CLSTN3: variants seen among roughly 807,000 people sequenced by gnomAD.
The protein encoded by CLSTN3 is calsyntenin 3, also known as calsyntenin-3.
Under a neutral mutation model 95.9 loss-of-function variants are expected in CLSTN3, and 36 were observed. The observed-to-expected ratio is 0.38, with a 90% CI of 0.29 to 0.50. CLSTN3 has a LOEUF of 0.50. CLSTN3 is among the 20% of genes least tolerant of loss of function. The probability of loss-of-function intolerance (pLI) is 0.95; values close to 1 mark genes in which losing one functional copy is unlikely to be tolerated. For missense variants in CLSTN3, 1,084 were observed against 1,268.8 expected, an observed-to-expected ratio of 0.85 and a Z score of 2.21; for synonymous variants, 481 against 504.0, an observed-to-expected ratio of 0.95 and a Z score of 0.61.
intron 16 of CLSTN3, chr12:7,156,976 G>T (rs1446650617): frequency 2.7e-6 from 1 of 368,750 alleles, no homozygotes; most frequent in Non-Finnish European, 5.4e-6. Context: ...CTTGTCCCCA[G>T]CCTCAGGTGC....
In CLSTN3 at chr12:7,135,439, G is replaced by A. The variant is rs1939390452; in HGVS notation, c.496G>A (p.Val166Met). Reference protein sequence around the residue: ...EGKLYDRILRVEAIDGDCSPQ... With the variant: ...EGKLYDRILRMEAIDGDCSPQ... ...GAAGCTGTACGATCGCATCCTGCGG[G>A]TGGAAGCCATTGACGGTGACTGCTC... The change falls in exon 4 of 18, where the codon GTG becomes ATG. Residue 166 changes from valine to methionine, a missense_variant. Physicochemically the swap from Val to Met is conservative, Grantham distance 21 (BLOSUM62 1). Coordinates refer to ENST00000266546, the MANE Select transcript of CLSTN3 (RefSeq NM_014718.4). 2 of 1,614,032 alleles carry A rather than the reference G, an allele frequency of 1.2e-6. No homozygotes were observed. Among genetic ancestry groups the A allele is most frequent in the African/African-American group, 1.3e-5 (1 of 74,898 alleles).
At position 7,142,437 on chromosome 12, in the gene CLSTN3, A is replaced by G. The variant is rs11054928; in HGVS notation, c.1540+298A>G. ...CAGGAGTCAGACACGCAGAAGGGGA[A>G]GGTCTGGGCATCTGTGAAGCTCGCT... On this transcript the variant is annotated intron_variant, in intron 10 of 17. Transcript: ENST00000266546. Among the ~76,000 whole-genome samples, 8 of 152,168 alleles carry G rather than the reference A, an allele frequency of 5.3e-5. No homozygotes were observed. In the East Asian group the frequency reaches 1.5e-3, roughly 29 times the overall value.
At position 7,133,962 on chromosome 12, in the gene CLSTN3, G is replaced by C. The variant is rs1939357079; in HGVS notation, c.383+194G>C. The C allele has an allele frequency of 4.0e-6, 2 of 505,914 alleles. No individual in the cohort carries two copies. Among genetic ancestry groups the C allele is most frequent in the Admixed American group, 3.7e-5 (1 of 26,812 alleles). 31.3% of individuals were successfully genotyped at this position (505,914 alleles called of 1,614,324 possible). A position where few individuals can be genotyped will look rare whatever the true frequency, so the allele number is the denominator to read the frequency against. On this transcript the variant is annotated intron_variant, in intron 3 of 17. Transcript: ENST00000266546. The surrounding 1 kb of genome is among the most constrained non-coding windows in gnomAD (Gnocchi z 4.7). ...GGCAAGGTGACAGAAACGTATAGTA[G>C]AGTTCAGTGGATCTAATCTTGGCTT...
rs533975468 is a variant in CLSTN3, at chr12:7,136,174, TC to T, written c.743-28del. On this transcript the variant is annotated intron_variant, in intron 5 of 17. Coordinates refer to ENST00000266546, the MANE Select transcript of CLSTN3 (RefSeq NM_014718.4). ...GGGGAGGCTGCTTTACCCTTCTCTC[TC>T]CCCATCACCCTCTCTGTCTCACCCA... The T allele has an allele frequency of 1.5e-3, 2,454 of 1,602,698 alleles. 5 individuals carry two copies. Among genetic ancestry groups the T allele is most frequent in the Non-Finnish European group, 1.9e-3 (2,272 of 1,173,300 alleles).
chr12:7,149,169 C>G lies in CLSTN3; in HGVS notation c.2045C>G (p.Ala682Gly). Reference sequence around the variant, plus strand: ...TGCTCCATTTCTCACCAGGTGGAGGCCAAAAAGGATGAGAGTTGGCAGGGC... The same window carrying G: ...TGCTCCATTTCTCACCAGGTGGAGGGCAAAAAGGATGAGAGTTGGCAGGGC... ...ITCSISHQVE[A>G]KKDESWQGTV... Residue 682 changes from alanine (A) to glycine (G), a missense_variant, in exon 13 of 18, where the codon GCC (alanine) becomes GGC (glycine). Coordinates refer to ENST00000266546, the MANE Select transcript of CLSTN3 (RefSeq NM_014718.4). The surrounding 1 kb of genome is among the most constrained non-coding windows in gnomAD (Gnocchi z 4.5). 1 of 1,614,064 alleles carries G rather than the reference C, an allele frequency of 6.2e-7. No individual in the cohort carries two copies. The highest frequency in any genetic ancestry group is 8.5e-7 in the Non-Finnish European group (1 of 1,180,002).
chr12:7,140,203 G>A (rs1038091551), intron 8 of CLSTN3, among the ~76,000 whole-genome samples: 3 of 152,128 alleles, frequency 2.0e-5, no homozygotes, highest in Non-Finnish European at 2.9e-5. Flanking sequence ...TGTCTCCTAC[G>A]TCAGCCACTT....
intron 16 of CLSTN3, chr12:7,156,429 T>C (rs1036022798): frequency 2.6e-5 from 12 of 456,768 alleles, no homozygotes; most frequent in African/African-American, 2.2e-4. Flanking sequence ...GTCTATGTCT[T>C]CCTTCAGGGG....
chr12:7,158,101 G>A lies in CLSTN3; in HGVS notation c.*20G>A, dbSNP rs1023862335. 6.1e-6 allele frequency: 9 copies of A among 1,484,244 alleles called. No individual in the cohort carries two copies. Among genetic ancestry groups the A allele is most frequent in the South Asian group, 5.4e-5 (4 of 73,890 alleles). The allele number at this position is 1,484,244 out of a possible 1,614,324, so 91.9% of individuals were successfully genotyped here. A position where few individuals can be genotyped will look rare whatever the true frequency, so the allele number is the denominator to read the frequency against. On this transcript the variant is annotated 3_prime_UTR_variant, in exon 18 of 18. Transcript: ENST00000266546. ...TACTAAGGCCTACACCTCTCCCCACGCAGAGGGGGAATTCTGCCCTGGTGA... is the reference window on the plus strand; with the variant it reads ...TACTAAGGCCTACACCTCTCCCCACACAGAGGGGGAATTCTGCCCTGGTGA...
chr12:7,136,149 G>A, intron 5 of CLSTN3, 57 bp from the exon 6 acceptor site: 1 of 1,570,754 alleles, frequency 6.4e-7, no homozygotes, highest in Admixed American at 1.7e-5. Flanking sequence ...AGCATGGAGA[G>A]GGGAGGCTGC....
chr12:7,144,074 A>G (rs1199403098), intron 12 of CLSTN3, among the ~76,000 whole-genome samples: 3 of 152,050 alleles, frequency 2.0e-5, no homozygotes, highest in African/African-American at 7.2e-5. Flanking sequence ...TAAAAATACA[A>G]AAATTAGCTG....
intron 5 of CLSTN3, 112 bp from the exon 6 acceptor site, chr12:7,136,094 C>A: frequency 6.7e-7 from 1 of 1,495,490 alleles, no homozygotes; most frequent in Non-Finnish European, 9.1e-7. Flanking sequence ...TCTAGCCGGG[C>A]CATCCTGCCA....
chr12:7,133,159 G>A lies in CLSTN3; in HGVS notation c.187+13G>A, dbSNP rs748379244. The A allele has an allele frequency of 1.9e-6, 3 of 1,613,884 alleles. No individual in the cohort carries two copies. Among genetic ancestry groups the A allele is most frequent in the Admixed American group, 3.3e-5 (2 of 59,984 alleles). On this transcript the variant is annotated intron_variant, in intron 2 of 17. Transcript: ENST00000266546. The surrounding 1 kb of genome is among the most constrained non-coding windows in gnomAD (Gnocchi z 4.7). Reference sequence around the variant, plus strand: ...CTGCGCTATGCAGGTAATTGGGATTGGGGGATGGCAAGGCAGGGTAGGACA... The same window carrying A: ...CTGCGCTATGCAGGTAATTGGGATTAGGGGATGGCAAGGCAGGGTAGGACA...
rs142267500 is a variant in CLSTN3 at position 7,146,742 on chromosome 12, C to A, written c.1848-2230C>A. Among the ~76,000 whole-genome samples the A allele has an allele frequency of 1.3e-3, 195 of 152,338 alleles. 1 individual carries two copies. Among genetic ancestry groups the A allele is most frequent in the African/African-American group, 4.5e-3 (187 of 41,578 alleles). Reference sequence around the variant, plus strand: ...TGCCACGTCTAATCTCTCTACCAGACCAACGGTGCCTTTGGGTCAGGCCTC... The same window carrying A: ...TGCCACGTCTAATCTCTCTACCAGAACAACGGTGCCTTTGGGTCAGGCCTC... On this transcript the variant is annotated intron_variant, in intron 12 of 17. Transcript: ENST00000266546.
At chr12:7,131,349 G>A in intron 1 of CLSTN3, 2 of 225,682 alleles carry the variant, frequency 8.9e-6, no homozygotes, top group South Asian at 6.5e-5. Flanking sequence ...GCGGGCAGAG[G>A]GCTCAGGTAG....
chr12:7,150,667 C>T lies in CLSTN3; in HGVS notation c.2369C>T (p.Ser790Phe), dbSNP rs993383536. 2.5e-6 allele frequency: 4 copies of T among 1,613,932 alleles called. No homozygotes were observed. Among genetic ancestry groups the T allele is most frequent in the Non-Finnish European group, 3.4e-6 (4 of 1,179,792 alleles). Residue 790 changes from serine (S) to phenylalanine (F), a missense_variant, in exon 15 of 18, where the codon TCC becomes TTC. Ser to Phe is a radical substitution (Grantham distance 155). Coordinates refer to ENST00000266546, the MANE Select transcript of CLSTN3 (RefSeq NM_014718.4). The surrounding 1 kb of genome is among the most constrained non-coding windows in gnomAD (Gnocchi z 4.0). ...TGCTCGGAAATGAATGGCCGTTACT[C>T]CAGCAATGAATTCATCGTGGAGGTA... ...LSCSEMNGRY[S>F]SNEFIVEVNV...
At chr12:7,130,267 A>T, upstream of CLSTN3, 1 of 558,072 alleles carries the variant, frequency 1.8e-6, no homozygotes. Flanking sequence ...CCGACGCCCC[A>T]GTCTCATTGG....
chr12:7,149,137 A>G lies in CLSTN3; in HGVS notation c.2013A>G (p.Gln671=). The change falls in exon 13 of 18, where the codon CAA becomes CAG. Residue 671 remains glutamine (Q), a synonymous_variant. Coordinates refer to ENST00000266546, the MANE Select transcript of CLSTN3 (RefSeq NM_014718.4). The surrounding 1 kb of genome is among the most constrained non-coding windows in gnomAD (Gnocchi z 4.5). ...TNGVPLFPDL[Q]ITCSISHQVE... Reference sequence around the variant, plus strand: ...GCGTCCCTTTGTTCCCTGATCTTCAAATCACCTGCTCCATTTCTCACCAGG... The same window carrying G: ...GCGTCCCTTTGTTCCCTGATCTTCAGATCACCTGCTCCATTTCTCACCAGG... The G allele has an allele frequency of 6.2e-7, 1 of 1,614,100 alleles. No homozygotes were observed. Among genetic ancestry groups the G allele is most frequent in the Non-Finnish European group, 8.5e-7 (1 of 1,180,014 alleles).
At chr12:7,144,689 G>A (rs1939591664) in intron 12 of CLSTN3, among the ~76,000 whole-genome samples, 1 of 152,178 alleles carries the variant, frequency 6.6e-6, no homozygotes, top group Admixed American at 6.5e-5. Context: ...CCCCGATTCT[G>A]CCTCAGTTTC....
At chr12:7,145,244 A>G (rs1365792163) in intron 12 of CLSTN3, among the ~76,000 whole-genome samples, 1 of 152,144 alleles carries the variant, frequency 6.6e-6, no homozygotes, top group African/African-American at 2.4e-5. Flanking sequence ...TGTTTTCTCT[A>G]TGAGGTTAAG....
Sources: gnomAD v4.1 joint callset for allele counts (sites outside exome capture counted in the v4.1 genomes callset) on GRCh38, gnomAD v4.1.1 for gene constraint, Gnocchi (gnomAD v3.1) non-coding constraint, MANE v1.5 for transcripts, NCBI Gene and HGNC (gene_info 2026-07-23, HGNC 2026-07-21) for gene names.